MEI4: variants seen among roughly 807,000 people sequenced by gnomAD.
MEI4 encodes meiosis-specific protein MEI4.
Under a neutral mutation model 31.4 loss-of-function variants are expected in MEI4, and 27 were observed. The ratio of observed to expected loss-of-function variants is 0.86; its 90% CI spans 0.63 to 1.19. The LOEUF is 1.19. MEI4 is among the 50% of genes most tolerant of loss of function. The pLI, the probability that MEI4 is intolerant of heterozygous loss-of-function variation, is 0.00. For synonymous variants in MEI4, 122 were observed against 145.4 expected, an observed-to-expected ratio of 0.84 and a Z score of 1.16; for missense variants, 329 against 398.9, an observed-to-expected ratio of 0.82 and a Z score of 1.49.
chr6:77,692,867 G>A (rs1327975645), intron 2 of MEI4, among the ~76,000 whole-genome samples: 2 of 152,022 alleles, frequency 1.3e-5, no homozygotes, highest in Non-Finnish European at 2.9e-5. Context: ...CAGAGAGGAT[G>A]AGCATGCTAG....
intron 1 of MEI4, among the ~76,000 whole-genome samples, chr6:77,661,264 C>T (rs977264569): frequency 2.0e-5 from 3 of 152,030 alleles, no homozygotes; most frequent in African/African-American, 4.8e-5. Context: ...TATGAAGATT[C>T]CACTGAATAC....
chr6:77,666,878 T>TGC (rs759756493), intron 1 of MEI4, among the ~76,000 whole-genome samples: 12,174 of 145,760 alleles, frequency 0.084, 625 homozygotes, highest in East Asian at 0.22. Context: ...TGTGTGTGTG[T>TGC]GTGTGCGTGC....
chr6:77,826,554 G>A (rs1055633499), intron 3 of MEI4, among the ~76,000 whole-genome samples: 2 of 152,124 alleles, frequency 1.3e-5, no homozygotes, highest in African/African-American at 4.8e-5. Context: ...GCTTCCAAGT[G>A]GTAAACCAAA....
intron 1 of MEI4, among the ~76,000 whole-genome samples, chr6:77,666,412 A>C (rs1159351019): frequency 6.6e-6 from 1 of 152,188 alleles, no homozygotes; most frequent in East Asian, 1.9e-4. Context: ...AGGGGATGCG[A>C]TGGCTTGGCT....
At chr6:77,917,826 A>G (rs1257344650) in intron 4 of MEI4, among the ~76,000 whole-genome samples, 4 of 149,744 alleles carry the variant, frequency 2.7e-5, no homozygotes, top group Non-Finnish European at 4.4e-5. Context: ...GGTGTTTTGG[A>G]CATGAAGTCG....
chr6:77,857,477 T>G (rs1582221292), intron 4 of MEI4, among the ~76,000 whole-genome samples: 1 of 152,158 alleles, frequency 6.6e-6, no homozygotes, highest in African/African-American at 2.4e-5. Flanking sequence ...TCCCCTGTGA[T>G]AACTAGAATG....
rs889926322 is a variant in MEI4, at chr6:77,761,283, A to G, written c.386A>G (p.His129Arg). Residue 129 changes from histidine (H) to arginine (R), a missense_variant, in exon 3 of 5, where the codon CAC becomes CGC. Physicochemically the swap from His to Arg is conservative, Grantham distance 29. Transcript: ENST00000684080. ...TTTGTGGAAAGCTGTACCCCCACTC[A>G]CTTTCCACCACTGCCTCTTGTGAAA... The part of the protein sequence containing the change: ...QHFVESCTPT[H>R]FPPLPLVKRP... The G allele has an allele frequency of 2.4e-6, 3 of 1,232,386 alleles. No homozygotes were observed. Among genetic ancestry groups the G allele is most frequent in the East Asian group, 3.2e-5 (1 of 31,694 alleles). The allele number at this position is 1,232,386 out of a possible 1,614,324, so 76.3% of individuals were successfully genotyped here. A position where few individuals can be genotyped will look rare whatever the true frequency, so the allele number is the denominator to read the frequency against.
chr6:77,763,488 G>A (rs1374417517), intron 3 of MEI4, among the ~76,000 whole-genome samples: 1 of 152,020 alleles, frequency 6.6e-6, no homozygotes. Flanking sequence ...TCCAACTGCA[G>A]CAATTACCCG....
At chr6:77,791,846 A>C (rs1437069938) in intron 3 of MEI4, among the ~76,000 whole-genome samples, 1 of 152,088 alleles carries the variant, frequency 6.6e-6, no homozygotes, top group Non-Finnish European at 1.5e-5. Flanking sequence ...TATGTAGTAT[A>C]ACCATTTTTA....
At chr6:77,821,752 C>T (rs555058993) in intron 3 of MEI4, among the ~76,000 whole-genome samples, 25 of 146,652 alleles carry the variant, frequency 1.7e-4, no homozygotes, top group South Asian at 4.3e-4. Context: ...GCTGAGATCG[C>T]GCCATTGCAC....
intron 3 of MEI4, among the ~76,000 whole-genome samples, chr6:77,771,639 A>G (rs1768321779): frequency 6.6e-6 from 1 of 152,142 alleles, no homozygotes; most frequent in Non-Finnish European, 1.5e-5. Flanking sequence ...CATTGCAGCA[A>G]CATGGATGGA....
chr6:77,738,787 C>T (rs1397962128), intron 2 of MEI4, among the ~76,000 whole-genome samples: 7 of 152,182 alleles, frequency 4.6e-5, no homozygotes, highest in Non-Finnish European at 8.8e-5. Context: ...TCCATTCTAA[C>T]TGGTGTGAGA....
intron 1 of MEI4, among the ~76,000 whole-genome samples, chr6:77,663,921 G>A (rs144859194): frequency 0.3 from 46,246 of 151,774 alleles, 7,308 homozygotes; most frequent in South Asian, 0.42. Flanking sequence ...TGAACAGTCC[G>A]ATTTTCAGTG....
chr6:77,864,378 G>A (rs1289919490), intron 4 of MEI4, among the ~76,000 whole-genome samples: 2 of 152,122 alleles, frequency 1.3e-5, no homozygotes, highest in African/African-American at 4.8e-5. Flanking sequence ...ATAAAGGGAT[G>A]GAGGAAGATC....
chr6:77,688,020 A>T (rs544512524), intron 1 of MEI4, among the ~76,000 whole-genome samples: 3 of 152,080 alleles, frequency 2.0e-5, no homozygotes, highest in Non-Finnish European at 4.4e-5. Flanking sequence ...GAAGCTTTCT[A>T]GGGGCCTGCC....
chr6:77,878,400 TAATAAC>T (rs1442457801), intron 4 of MEI4, among the ~76,000 whole-genome samples: 2 of 152,074 alleles, frequency 1.3e-5, no homozygotes, highest in African/African-American at 2.4e-5. Context: ...AATTCACAAT[TAATAAC>T]AAACGAGTTT....
chr6:77,658,432 G>A (rs7773339), intron 1 of MEI4, among the ~76,000 whole-genome samples: 6,475 of 152,170 alleles, frequency 0.043, 466 homozygotes, highest in African/African-American at 0.15. Flanking sequence ...CAGGGGATGC[G>A]ATGGCTTGGC....
At chr6:77,734,440 TC>T (rs1470672858) in intron 2 of MEI4, among the ~76,000 whole-genome samples, 1 of 152,066 alleles carries the variant, frequency 6.6e-6, no homozygotes, top group Non-Finnish European at 1.5e-5. Flanking sequence ...GTCTGTTTTA[TC>T]AGAGACTAGG....
At chr6:77,673,375 A>G (rs1768782984) in intron 1 of MEI4, among the ~76,000 whole-genome samples, 1 of 152,212 alleles carries the variant, frequency 6.6e-6, no homozygotes, top group Non-Finnish European at 1.5e-5. Context: ...AAACAATTTA[A>G]AACAATTGTT....
Sources: gnomAD v4.1 joint callset for allele counts (sites outside exome capture counted in the v4.1 genomes callset) on GRCh38, gnomAD v4.1.1 for gene constraint, MANE v1.5 for transcripts, NCBI Gene and HGNC (gene_info 2026-07-23, HGNC 2026-07-21) for gene names.